Variants in LRIF1 observed in about 807,000 individuals in gnomAD.
The protein encoded by LRIF1 is ligand dependent nuclear receptor interacting factor 1, also known as ligand-dependent nuclear receptor-interacting factor 1.
Under a neutral mutation model 52.7 loss-of-function variants are expected in LRIF1, and 32 were observed. The ratio of observed to expected loss-of-function variants is 0.61; its 90% confidence interval spans 0.46 to 0.82. The LOEUF (loss-of-function observed/expected upper bound fraction) is 0.82. Ranked by LOEUF, LRIF1 falls within the 40% of genes least tolerant of loss-of-function variation. The pLI is 0.00. For missense variants in LRIF1, 887 were observed against 892.0 expected (o/e 0.99, Z 0.07); for synonymous variants, 323 against 317.4 (o/e 1.02, Z -0.19).
the LRIF1 span, chr1:110,899,870 A>T: frequency 6.6e-6 from 1 of 152,038 alleles, no homozygotes; most frequent in Non-Finnish European, 1.5e-5. Flanking sequence ...ATCAGATAAG[A>T]TTTTGTTAAT....
At chr1:110,879,489 T>A in the LRIF1 span, among the ~76,000 whole-genome samples, 1 of 151,228 alleles carries the variant, frequency 6.6e-6, no homozygotes, top group Non-Finnish European at 1.5e-5. Context: ...ACTAGGTTTG[T>A]AGTTATATAA....
the LRIF1 span, chr1:110,896,755 CT>C: frequency 6.3e-7 from 1 of 1,594,826 alleles, no homozygotes; most frequent in Non-Finnish European, 8.6e-7. Context: ...GGCAATGTTT[CT>C]GTTATTGACC....
At chr1:110,923,575 T>G in the LRIF1 span, among the ~76,000 whole-genome samples, 5 of 152,230 alleles carry the variant, frequency 3.3e-5, no homozygotes, top group Middle Eastern at 3.4e-3. Context: ...CAGAAAATCT[T>G]TATACATTTG....
the LRIF1 span, among the ~76,000 whole-genome samples, chr1:110,875,075 G>A: frequency 1.3e-5 from 2 of 152,224 alleles, no homozygotes; most frequent in East Asian, 3.8e-4. Context: ...TTAGGAGTGT[G>A]CCAAAAACTG....
the LRIF1 span, among the ~76,000 whole-genome samples, chr1:110,904,658 C>A: frequency 6.6e-6 from 1 of 152,062 alleles, no homozygotes; most frequent in East Asian, 1.9e-4. Context: ...AAAAGCCTTC[C>A]CAAAAAGGAC....
chr1:110,960,498 CCA>C (rs1164423257), intron 1 of LRIF1, among the ~76,000 whole-genome samples: 1 of 152,164 alleles, frequency 6.6e-6, no homozygotes, highest in Non-Finnish European at 1.5e-5. Context: ...AAGATAGCTG[CCA>C]ATGGCCAATC....
the LRIF1 span, among the ~76,000 whole-genome samples, chr1:110,926,640 A>C: frequency 6.6e-6 from 1 of 152,148 alleles, no homozygotes. Flanking sequence ...TAAATAAATG[A>C]AGAAATGTAC....
chr1:110,933,060 A>G, the LRIF1 span, among the ~76,000 whole-genome samples: 1 of 152,080 alleles, frequency 6.6e-6, no homozygotes, highest in Admixed American at 6.6e-5. Context: ...AATTATTCCA[A>G]CTTTGGTTGT....
the LRIF1 span, among the ~76,000 whole-genome samples, chr1:110,921,168 T>C: frequency 0.2 from 31,184 of 152,152 alleles, 3,468 homozygotes; most frequent in Non-Finnish European, 0.25. Flanking sequence ...TAAAGTGTTC[T>C]AAAAGCTTTG....
chr1:110,933,889 C>G, the LRIF1 span, among the ~76,000 whole-genome samples: 1 of 152,120 alleles, frequency 6.6e-6, no homozygotes, highest in East Asian at 1.9e-4. Flanking sequence ...TAACCTCTCC[C>G]CTAACCACAG....
At chr1:110,927,196 T>G in the LRIF1 span, among the ~76,000 whole-genome samples, 1 of 152,094 alleles carries the variant, frequency 6.6e-6, no homozygotes, top group Non-Finnish European at 1.5e-5. Flanking sequence ...AAATTCAGAA[T>G]AGTGTATAGT....
the LRIF1 span, among the ~76,000 whole-genome samples, chr1:110,906,934 GT>G: frequency 6.6e-6 from 1 of 152,150 alleles, no homozygotes; most frequent in East Asian, 1.9e-4. Flanking sequence ...ATATTTTAAG[GT>G]TATTACAATA....
chr1:110,915,008 A>T, the LRIF1 span, among the ~76,000 whole-genome samples: 1 of 152,204 alleles, frequency 6.6e-6, no homozygotes, highest in Non-Finnish European at 1.5e-5. Context: ...GAATGTCAGT[A>T]GCAGCATTAT....
chr1:110,937,749 T>C, the LRIF1 span: 1 of 151,610 alleles, frequency 6.6e-6, no homozygotes, highest in Admixed American at 6.6e-5. Context: ...GAAATTGAAA[T>C]AGAGAAAATA....
intron 3 of LRIF1, among the ~76,000 whole-genome samples, chr1:110,949,105 G>T (rs1008780460): frequency 3.3e-5 from 5 of 151,880 alleles, no homozygotes; most frequent in African/African-American, 1.2e-4. Context: ...GTGTGGGGTG[G>T]GCGGTGTTTA....
At chr1:110,958,222 T>G (rs1018312310) in intron 1 of LRIF1, among the ~76,000 whole-genome samples, 5 of 152,242 alleles carry the variant, frequency 3.3e-5, no homozygotes, top group Admixed American at 3.3e-4. Context: ...GAGAGATCTC[T>G]TTGCTATTCT....
the LRIF1 span, among the ~76,000 whole-genome samples, chr1:110,926,816 AT>A: frequency 6.6e-6 from 1 of 152,214 alleles, no homozygotes; most frequent in African/African-American, 2.4e-5. Flanking sequence ...GAATGTCAAG[AT>A]ACTGCTGCGG....
Position 110,963,851 on chromosome 1 carries a change from G to C in LRIF1, c.-163C>G. Reference sequence around the variant, plus strand: ...GGAGGGCGACAGCGGGCTCTCGAGAGGGTGTATCCCCAGGCTTCGGGACGA... The same window carrying C: ...GGAGGGCGACAGCGGGCTCTCGAGACGGTGTATCCCCAGGCTTCGGGACGA... On this transcript the variant is annotated 5_prime_UTR_variant, in exon 1 of 4. Transcript: ENST00000369763. 1 of 536,726 alleles carries C rather than the reference G, an allele frequency of 1.9e-6. No individual in the cohort carries two copies. 33.2% of individuals were successfully genotyped at this position (536,726 alleles called of 1,614,324 possible). A position where few individuals can be genotyped will look rare whatever the true frequency, so the allele number is the denominator to read the frequency against.
At chr1:110,910,820 A>T in the LRIF1 span, among the ~76,000 whole-genome samples, 2 of 152,216 alleles carry the variant, frequency 1.3e-5, no homozygotes, top group Non-Finnish European at 2.9e-5. Context: ...ACAAAAATAC[A>T]ACATACCAGA....
Sources: gnomAD v4.1 joint callset for allele counts (sites outside exome capture counted in the v4.1 genomes callset) on GRCh38, gnomAD v4.1.1 for gene constraint, MANE v1.5 for transcripts, NCBI Gene and HGNC (gene_info 2026-07-23, HGNC 2026-07-21) for gene names.